AIG1: variants seen among roughly 807,000 people sequenced by gnomAD.
AIG1 encodes androgen induced 1.
AIG1 carries 23 observed loss-of-function variants against 31.4 expected under a neutral mutation model. That is an observed-to-expected ratio of 0.73 (90% CI 0.53 to 1.04). The LOEUF (loss-of-function observed/expected upper bound fraction) is 1.04, where lower values mean the gene tolerates loss of function less well. Ranked by LOEUF, AIG1 falls within the 50% of genes least tolerant of loss-of-function variation. AIG1 has a pLI of 0.00. For synonymous variants in AIG1, 100 were observed against 110.5 expected, an observed-to-expected ratio of 0.90 and a Z score of 0.60; for missense variants, 274 against 295.0, an observed-to-expected ratio of 0.93 and a Z score of 0.52.
chr6:143,250,829 C>T (rs190360454), intron 3 of AIG1, among the ~76,000 whole-genome samples: 11 of 152,056 alleles, frequency 7.2e-5, no homozygotes, highest in Admixed American at 1.3e-4. Context: ...TGTTTTTTTG[C>T]GATTTATTTT....
At chr6:143,126,164 A>G (rs1331439479) in intron 1 of AIG1, 1 of 152,228 alleles carries the variant, frequency 6.6e-6, no homozygotes. Flanking sequence ...CTCCAAGGGT[A>G]GGAGAGGATA....
At chr6:143,073,281 GT>G (rs1777457358) in intron 1 of AIG1, among the ~76,000 whole-genome samples, 1 of 152,152 alleles carries the variant, frequency 6.6e-6, no homozygotes, top group African/African-American at 2.4e-5. Flanking sequence ...TCAACAGAGA[GT>G]TAGGTTGTTT....
chr6:143,104,195 T>C (rs1780592433), intron 1 of AIG1, among the ~76,000 whole-genome samples: 1 of 152,212 alleles, frequency 6.6e-6, no homozygotes, highest in South Asian at 2.1e-4. Flanking sequence ...AGAGTGAATC[T>C]TGCAGCCAAC....
chr6:143,335,683 G>A (rs565491797), intron 5 of AIG1, among the ~76,000 whole-genome samples: 2 of 152,136 alleles, frequency 1.3e-5, no homozygotes, highest in South Asian at 4.1e-4. Flanking sequence ...GGCTGGGCAC[G>A]GTGGCTTACA....
At chr6:143,196,721 G>T (rs983638995) in intron 3 of AIG1, among the ~76,000 whole-genome samples, 1 of 152,126 alleles carries the variant, frequency 6.6e-6, no homozygotes, top group Non-Finnish European at 1.5e-5. Context: ...ATTGCTGTGA[G>T]TTGGTATTAT....
rs115311750 is a variant in AIG1, at chr6:143,209,308, A to G, written c.399+44125A>G. Among the ~76,000 whole-genome samples the G allele has an allele frequency of 5.4e-3, 819 of 152,326 alleles. 11 individuals carry two copies. The highest frequency in any genetic ancestry group is 0.016 in the African/African-American group (674 of 41,576). On this transcript the variant is annotated intron_variant, in intron 3 of 5. Transcript: ENST00000357847. ...GTGGTAGGCAGACTCATGTCCCCCA[A>G]AGGAGTCCTAATCCCCGGAACTTGT...
At chr6:143,289,863 G>C (rs1214095812) in intron 4 of AIG1, among the ~76,000 whole-genome samples, 1 of 152,102 alleles carries the variant, frequency 6.6e-6, no homozygotes, top group Non-Finnish European at 1.5e-5. Flanking sequence ...TCTTTACTAA[G>C]AAAATGAAAT....
intron 2 of AIG1, among the ~76,000 whole-genome samples, chr6:143,155,247 G>T (rs1161149104): frequency 6.6e-6 from 1 of 152,108 alleles, no homozygotes; most frequent in Non-Finnish European, 1.5e-5. Flanking sequence ...CATTCTACTG[G>T]GAAGAGAAAC....
intron 3 of AIG1, among the ~76,000 whole-genome samples, chr6:143,245,775 G>A (rs1794577605): frequency 6.6e-6 from 1 of 152,140 alleles, no homozygotes; most frequent in Non-Finnish European, 1.5e-5. Context: ...AACATCATCT[G>A]TAATCCTTAC....
At chr6:143,260,017 C>CTTTTTTTTTTT (rs35620148) in intron 3 of AIG1, among the ~76,000 whole-genome samples, 2 of 85,118 alleles carry the variant, frequency 2.3e-5, no homozygotes, top group African/African-American at 4.6e-5. Flanking sequence ...TCTTGTGCTT[C>CTTTTTTTTTTT]TTTTTTTTTT....
intron 3 of AIG1, among the ~76,000 whole-genome samples, chr6:143,199,202 A>G (rs1239301270): frequency 1.3e-5 from 2 of 152,204 alleles, no homozygotes; most frequent in Non-Finnish European, 2.9e-5. Context: ...TTGAACAAAG[A>G]CTAGATGTTA....
At position 143,124,111 on chromosome 6, in the gene AIG1, C is replaced by T. The variant is rs111869455; in HGVS notation, c.142-12724C>T. On this transcript the variant is annotated intron_variant, in intron 1 of 5. Coordinates refer to ENST00000357847, the MANE Select transcript of AIG1 (RefSeq NM_016108.4). ...CAACAAAGTCATGGTGAATTACATG[C>T]TATCATATATAACATCTTTCAGTTC... Among the ~76,000 whole-genome samples, 467 of 152,314 alleles carry T rather than the reference C, an allele frequency of 3.1e-3. 5 individuals are homozygous for T. Among genetic ancestry groups the T allele is most frequent in the African/African-American group, 0.011 (448 of 41,574 alleles).
intron 1 of AIG1, among the ~76,000 whole-genome samples, chr6:143,097,521 C>T (rs1322457772): frequency 2.6e-5 from 4 of 152,170 alleles, no homozygotes; most frequent in Admixed American, 6.6e-5. Flanking sequence ...CAGAAGCCTC[C>T]CGTGTGATCT....
Position 143,338,616 on chromosome 6 carries a change from T to A in AIG1, c.680-1023T>A, listed in dbSNP as rs1273815587. The stretch of plus-strand genomic sequence containing the variant: ...TGGAGTCCCATATTTTGTTCTGCTT[T>A]CCACTAGTCCAGGCTTCTGAGGTCT... On this transcript the variant is annotated intron_variant, in intron 5 of 5. Coordinates refer to ENST00000357847, the MANE Select transcript of AIG1 (RefSeq NM_016108.4). This position sits in a 1 kb window ranked among gnomAD's most constrained non-coding sequence, Gnocchi z 4.3. The A allele has an allele frequency of 6.6e-6, 1 of 152,178 alleles. No homozygotes were observed. Among genetic ancestry groups the A allele is most frequent in the Admixed American group, 6.5e-5 (1 of 15,274 alleles). The allele number at this position is 152,178 out of a possible 1,614,324, so 9.4% of individuals were successfully genotyped here. A position where few individuals can be genotyped will look rare whatever the true frequency, so the allele number is the denominator to read the frequency against.
intron 2 of AIG1, among the ~76,000 whole-genome samples, chr6:143,162,730 T>A (rs899446586): frequency 1.3e-5 from 2 of 152,190 alleles, no homozygotes; most frequent in African/African-American, 2.4e-5. Flanking sequence ...GAAACACATG[T>A]GCCTTTACCA....
At chr6:143,260,909 C>T (rs1583655620) in intron 3 of AIG1, among the ~76,000 whole-genome samples, 1 of 149,050 alleles carries the variant, frequency 6.7e-6, no homozygotes, top group Non-Finnish European at 1.5e-5. Flanking sequence ...TCCCCTTCAC[C>T]CCCCCGCCAT....
chr6:143,320,085 A>G (rs1236839825), intron 4 of AIG1, among the ~76,000 whole-genome samples: 1 of 152,206 alleles, frequency 6.6e-6, no homozygotes, highest in East Asian at 1.9e-4. Context: ...ACATTTCTTC[A>G]AAAAAGACAC....
intron 1 of AIG1, among the ~76,000 whole-genome samples, chr6:143,097,458 A>G (rs984385249): frequency 1.3e-5 from 2 of 152,082 alleles, no homozygotes; most frequent in African/African-American, 4.8e-5. Context: ...AAACTCAACT[A>G]CTTGTCTACT....
At chr6:143,321,337 C>T (rs1776193540) in intron 4 of AIG1, among the ~76,000 whole-genome samples, 2 of 151,910 alleles carry the variant, frequency 1.3e-5, no homozygotes, top group Non-Finnish European at 2.9e-5. Context: ...AAGTGGCTCA[C>T]ACCTGTAATC....
Sources: gnomAD v4.1 joint callset for allele counts (sites outside exome capture counted in the v4.1 genomes callset) on GRCh38, gnomAD v4.1.1 for gene constraint, Gnocchi (gnomAD v3.1) non-coding constraint, MANE v1.5 for transcripts, NCBI Gene and HGNC (gene_info 2026-07-23, HGNC 2026-07-21) for gene names.